Variants in ZNF516 observed in about 807,000 individuals in gnomAD.
The protein encoded by ZNF516 is zinc finger protein 516.
In ZNF516, 19 loss-of-function variants were observed where a neutral mutation model predicts 79.7. The observed-to-expected ratio is 0.24, with a 90% confidence interval of 0.17 to 0.35. ZNF516 has a LOEUF of 0.35. ZNF516 is among the 10% of genes least tolerant of loss of function. ZNF516 has a pLI of 1.00. For missense variants in ZNF516, 1,678 were observed against 1,679.5 expected (o/e 1.00, Z 0.02); for synonymous variants, 877 against 739.5 (o/e 1.19, Z -3.02).
At chr18:76,447,889 G>C (rs111348822) in intron 2 of ZNF516, among the ~76,000 whole-genome samples, 1 of 152,072 alleles carries the variant, frequency 6.6e-6, no homozygotes, top group African/African-American at 2.4e-5. Context: ...ATGTGAGTGT[G>C]TGTGAGTGTG....
At chr18:76,492,209 A>C (rs188034483) in intron 1 of ZNF516, 10 of 985,356 alleles carry the variant, frequency 1.0e-5, no homozygotes, top group Non-Finnish European at 1.2e-5. Context: ...CCCGGAAGAC[A>C]CCGCGTCTCC....
At chr18:76,423,071 G>A (rs1436398596) in intron 3 of ZNF516, among the ~76,000 whole-genome samples, 15 of 152,072 alleles carry the variant, frequency 9.9e-5, no homozygotes, top group Admixed American at 8.5e-4. Context: ...TGGAACACTC[G>A]GAGACCCCAG....
At chr18:76,425,802 C>T (rs890137756) in intron 3 of ZNF516, among the ~76,000 whole-genome samples, 3 of 152,174 alleles carry the variant, frequency 2.0e-5, no homozygotes, top group East Asian at 1.9e-4. Flanking sequence ...CACTGACAAC[C>T]CACGAGGGGT....
chr18:76,370,417 C>G (rs575625869), intron 6 of ZNF516, 111 bp downstream of exon 6: 50 of 1,040,688 alleles, frequency 4.8e-5, no homozygotes, highest in Non-Finnish European at 6.3e-5. Context: ...ATTATTTACA[C>G]ATCTAGTGAA....
At chr18:76,392,453 G>C (rs1453166697) in intron 3 of ZNF516, among the ~76,000 whole-genome samples, 5 of 152,036 alleles carry the variant, frequency 3.3e-5, no homozygotes, top group African/African-American at 1.2e-4. Context: ...GAAGCCCTTT[G>C]CATGTTCAAG....
At chr18:76,374,217 T>C (rs761878132) in intron 4 of ZNF516, among the ~76,000 whole-genome samples, 15 of 152,248 alleles carry the variant, frequency 9.9e-5, no homozygotes, top group Non-Finnish European at 1.8e-4. Flanking sequence ...CTGGAATTAT[T>C]TTATTAGCTT....
At chr18:76,372,076 G>A (rs928691965) in intron 4 of ZNF516, among the ~76,000 whole-genome samples, 1 of 152,184 alleles carries the variant, frequency 6.6e-6, no homozygotes, top group South Asian at 2.1e-4. Context: ...CTGCCTGCCT[G>A]GGCAGCTCTG....
intron 3 of ZNF516, among the ~76,000 whole-genome samples, chr18:76,414,509 A>T (rs2075409277): frequency 6.6e-6 from 1 of 152,188 alleles, no homozygotes; most frequent in Admixed American, 6.5e-5. Flanking sequence ...GTCTCTGGTG[A>T]TTTTCAAGAG....
intron 3 of ZNF516, among the ~76,000 whole-genome samples, chr18:76,384,702 G>A (rs2032331327): frequency 6.6e-6 from 1 of 151,584 alleles, no homozygotes; most frequent in Non-Finnish European, 1.5e-5. Flanking sequence ...AGTGTCCGGG[G>A]AGGGGGCTCC....
At chr18:76,376,592 G>A (rs2074790781) in intron 4 of ZNF516, among the ~76,000 whole-genome samples, 1 of 150,802 alleles carries the variant, frequency 6.6e-6, no homozygotes, top group Non-Finnish European at 1.5e-5. Flanking sequence ...GTAAGAAAAG[G>A]GAAAATACTT....
chr18:76,410,798 C>T (rs540885758), intron 3 of ZNF516, among the ~76,000 whole-genome samples: 32 of 152,244 alleles, frequency 2.1e-4, no homozygotes, highest in African/African-American at 4.1e-4. Flanking sequence ...AGCCACAACA[C>T]GCAACACACA....
intron 4 of ZNF516, among the ~76,000 whole-genome samples, chr18:76,373,239 GAGGAGGGGAGCGGAGGGGAGGGGAA>G (rs1033034688): frequency 1.3e-5 from 2 of 150,910 alleles, no homozygotes; most frequent in Non-Finnish European, 2.9e-5. Context: ...GAGGAGGGAA[GAGGAGGGGAGCGGAGGGGAGGGGAA>G]AGGAGGGGAG....
intron 6 of ZNF516, among the ~76,000 whole-genome samples, chr18:76,370,075 T>G (rs1251064974): frequency 2.0e-5 from 3 of 152,182 alleles, no homozygotes; most frequent in Non-Finnish European, 4.4e-5. Flanking sequence ...GCCTTGCCAG[T>G]CGTGTTCGTA....
rs2074544114 is a variant in ZNF516 at position 76,361,944 on chromosome 18, C to T, written c.*554G>A. On this transcript the variant is annotated 3_prime_UTR_variant, in exon 7 of 7. Coordinates refer to ENST00000443185, the MANE Select transcript of ZNF516 (RefSeq NM_014643.4). ...CACAGCACCTGAACGTCACCTCCTTCCTCTCTCTTATTTACTATTTTAAAT... is the reference window on the plus strand; with the variant it reads ...CACAGCACCTGAACGTCACCTCCTTTCTCTCTCTTATTTACTATTTTAAAT... 1 of 152,344 alleles carries T rather than the reference C, an allele frequency of 6.6e-6. No homozygotes were observed. Among genetic ancestry groups the T allele is most frequent in the Non-Finnish European group, 1.5e-5 (1 of 68,176 alleles). 9.4% of individuals were successfully genotyped at this position (152,344 alleles called of 1,614,324 possible). A position where few individuals can be genotyped will look rare whatever the true frequency, so the allele number is the denominator to read the frequency against.
At chr18:76,413,911 A>C (rs1161049459) in intron 3 of ZNF516, among the ~76,000 whole-genome samples, 1 of 152,236 alleles carries the variant, frequency 6.6e-6, no homozygotes, top group East Asian at 1.9e-4. Context: ...GGTTTCGTTA[A>C]ATGTTTTTTC....
intron 1 of ZNF516, among the ~76,000 whole-genome samples, chr18:76,474,620 A>G (rs1914070939): frequency 6.6e-6 from 1 of 152,242 alleles, no homozygotes; most frequent in Non-Finnish European, 1.5e-5. Flanking sequence ...CAATTCAACC[A>G]GTAACAAAAA....
intron 1 of ZNF516, among the ~76,000 whole-genome samples, chr18:76,468,580 C>T (rs1456510840): frequency 6.6e-6 from 1 of 152,002 alleles, no homozygotes; most frequent in Non-Finnish European, 1.5e-5. Context: ...CCACACTCAG[C>T]TAATTTTTTT....
intron 2 of ZNF516, among the ~76,000 whole-genome samples, chr18:76,454,458 A>G (rs1912601594): frequency 6.6e-6 from 1 of 152,248 alleles, no homozygotes; most frequent in South Asian, 2.1e-4. Flanking sequence ...ATGCTTTACT[A>G]TATATAGCAC....
At chr18:76,458,278 G>A (rs1912855332) in intron 2 of ZNF516, among the ~76,000 whole-genome samples, 1 of 152,198 alleles carries the variant, frequency 6.6e-6, no homozygotes, top group South Asian at 2.1e-4. Context: ...ACTTAAAGTT[G>A]CAGTTTCCAA....
Sources: allele counts gnomAD v4.1 joint callset (sites outside exome capture counted in the v4.1 genomes callset), GRCh38; gene constraint gnomAD v4.1.1; transcripts MANE v1.5; gene names NCBI Gene and HGNC (gene_info 2026-07-23, HGNC 2026-07-21).